PSEN1: variants seen among roughly 807,000 people sequenced by gnomAD.
PSEN1 encodes presenilin 1.
In PSEN1, 15 loss-of-function variants were observed where a neutral mutation model predicts 53.5. The observed-to-expected ratio is 0.28, with a 90% CI of 0.19 to 0.43. The LOEUF is 0.43. Among genes scored for constraint, PSEN1 ranks in the 20% least tolerant of loss-of-function variants. PSEN1 has a pLI of 1.00. For missense variants in PSEN1, 387 were observed against 571.2 expected, an observed-to-expected ratio of 0.68 and a Z score of 3.29; for synonymous variants, 208 against 209.8, an observed-to-expected ratio of 0.99 and a Z score of 0.08.
In PSEN1 at chr14:73,219,201, T is replaced by A; in HGVS notation, c.1316T>A (p.Ile439Asn). The stretch of plus-strand genomic sequence containing the variant: ...GCATTGCCAGCTCTTCCAATCTCCA[T>A]CACCTTTGGGCTTGTTTTCTACTTT... The part of the protein sequence containing the change: ...KKALPALPIS[I>N]TFGLVFYFAT... The change falls in exon 12 of 12, where the codon ATC becomes AAC. Residue 439 changes from isoleucine (I) to asparagine (N), a missense_variant. Physicochemically the swap from Ile to Asn is moderately radical, Grantham distance 149. Transcript: ENST00000324501. 6.2e-7 allele frequency: 1 copy of A among 1,613,812 alleles called. No homozygotes were observed. Among genetic ancestry groups the A allele is most frequent in the Non-Finnish European group, 8.5e-7 (1 of 1,179,654 alleles).
chr14:73,218,432 A>G (rs1432216159), intron 11 of PSEN1, among the ~76,000 whole-genome samples: 1 of 152,038 alleles, frequency 6.6e-6, no homozygotes, highest in Admixed American at 6.6e-5. Context: ...ATTTCTTGCT[A>G]TTTTTACTAA....
chr14:73,193,065 C>T (rs1898790730), intron 7 of PSEN1, among the ~76,000 whole-genome samples: 1 of 152,100 alleles, frequency 6.6e-6, no homozygotes, highest in Non-Finnish European at 1.5e-5. Flanking sequence ...AATCTTAGCA[C>T]TTTGGGAGGC....
At chr14:73,159,484 A>G (rs886963406) in intron 3 of PSEN1, among the ~76,000 whole-genome samples, 16 of 152,184 alleles carry the variant, frequency 1.1e-4, no homozygotes, top group Non-Finnish European at 2.4e-4. Context: ...TAGGTCTGTG[A>G]TCCTTTTGAA....
At chr14:73,171,143 A>G in intron 4 of PSEN1, 96 bp downstream of exon 4, 4 of 1,449,092 alleles carry the variant, frequency 2.8e-6, no homozygotes, top group South Asian at 2.4e-5. Flanking sequence ...TTGAAGGGGC[A>G]TGACTTAGCT....
rs141000002 is a variant in PSEN1, at chr14:73,208,051, A to G, written c.955+1579A>G. 6.0e-3 allele frequency among the ~76,000 whole-genome samples: 910 copies of G among 152,312 alleles called. 12 individuals are homozygous for G. The highest frequency in any genetic ancestry group is 0.021 in the African/African-American group (858 of 41,568). On this transcript the variant is annotated intron_variant, in intron 9 of 11. Transcript: ENST00000324501. ...TGTTAACCTTGTGTTAACCTGGGGAACACAGGGGCACCCAGAAGCTTGGAG... is the reference window on the plus strand; with the variant it reads ...TGTTAACCTTGTGTTAACCTGGGGAGCACAGGGGCACCCAGAAGCTTGGAG...
intron 9 of PSEN1, chr14:73,209,047 G>C: frequency 3.0e-6 from 1 of 329,938 alleles, no homozygotes; most frequent in Non-Finnish European, 6.0e-6. Flanking sequence ...GCCAGGTCAT[G>C]ACAGCACCCA....
chr14:73,190,604 A>C (rs1423710549), intron 6 of PSEN1, among the ~76,000 whole-genome samples: 1 of 151,974 alleles, frequency 6.6e-6, no homozygotes, highest in Admixed American at 6.6e-5. Flanking sequence ...AGTGCTTTCC[A>C]ATCAGGCACG....
In PSEN1 at chr14:73,189,828, C is replaced by G. The variant is rs1369838009; in HGVS notation, c.549-2816C>G. On this transcript the variant is annotated intron_variant, in intron 6 of 11. Transcript: ENST00000324501. ...TTAAGCTGAGCAGTGTGGAGAACAT[C>G]TTGCACAGGCTGCTGACTGCCTTCC... The G allele has an allele frequency of 6.8e-5, 17 of 250,654 alleles. No homozygotes were observed. The Admixed American group carries it at 7.7e-4, about 11-fold the overall frequency. The allele number at this position is 250,654 out of a possible 1,614,324, so 15.5% of individuals were successfully genotyped here.
At chr14:73,219,097 T>C in intron 11 of PSEN1, 37 bp from the exon 12 acceptor site, 3 of 1,607,064 alleles carry the variant, frequency 1.9e-6, no homozygotes, top group Non-Finnish European at 2.6e-6. Flanking sequence ...CTTTCATAAT[T>C]ATGTGTGAAT....
chr14:73,208,131 C>A (rs1299195941), intron 9 of PSEN1, among the ~76,000 whole-genome samples: 1 of 152,214 alleles, frequency 6.6e-6, no homozygotes, highest in Non-Finnish European at 1.5e-5. Flanking sequence ...GCTTAGGGAA[C>A]TCCTGAGTCT....
intron 11 of PSEN1, among the ~76,000 whole-genome samples, chr14:73,217,795 A>AT (rs746495189): frequency 0.15 from 19,234 of 126,254 alleles, 1,829 homozygotes; most frequent in South Asian, 0.23. Context: ...CAAAACTATG[A>AT]TTTTTTTTTT....
rs362382 is a variant in PSEN1 at position 73,217,252 on chromosome 14, T to C, written c.1248+8T>C. 2.9e-3 allele frequency: 4,668 copies of C among 1,613,986 alleles called. 121 individuals are homozygous for C. In the African/African-American group the frequency reaches 0.053, roughly 18 times the overall value. ...TTCGTAGCCATATTAATTGTAAGTA[T>C]ACACTAATAAGAATGTGTCAGAGCT... On this transcript the variant is annotated splice_region_variant and intron_variant, in intron 11 of 11. Transcript: ENST00000324501.
chr14:73,210,880 T>C (rs919103787), intron 9 of PSEN1, among the ~76,000 whole-genome samples: 1 of 152,188 alleles, frequency 6.6e-6, no homozygotes, highest in African/African-American at 2.4e-5. Flanking sequence ...CACTTATATA[T>C]TTTAATTATT....
chr14:73,162,821 G>A (rs561840061), intron 3 of PSEN1, among the ~76,000 whole-genome samples: 2 of 152,276 alleles, frequency 1.3e-5, no homozygotes, highest in African/African-American at 4.8e-5. Context: ...TGCATATGTA[G>A]AAAGAAACTT....
At chr14:73,143,230 T>G (rs545232576) in intron 1 of PSEN1, among the ~76,000 whole-genome samples, 2 of 152,338 alleles carry the variant, frequency 1.3e-5, no homozygotes, top group South Asian at 4.1e-4. Context: ...CAGGCCTGAC[T>G]GAAGACCTAG....
chr14:73,181,270 T>A (rs989517106), intron 5 of PSEN1, among the ~76,000 whole-genome samples: 7 of 152,060 alleles, frequency 4.6e-5, no homozygotes, highest in African/African-American at 1.7e-4. Context: ...AGAAATCCTG[T>A]CTCTACTAAA....
intron 1 of PSEN1, 138 bp from the exon 2 acceptor site, chr14:73,147,644 TGAGCTTATAGTAA>T (rs2140507374): frequency 6.1e-6 from 2 of 325,614 alleles, no homozygotes; most frequent in Non-Finnish European, 1.2e-5. Context: ...AGGTCTACCT[TGAGCTTATAGTAA>T]ATTTGTCAGT....
At chr14:73,160,057 C>G in intron 3 of PSEN1, 1 of 273,626 alleles carries the variant, frequency 3.7e-6, no homozygotes, top group South Asian at 3.0e-5. Context: ...CTCCTGGGCT[C>G]AAGTAATCCT....
chr14:73,143,217 C>A (rs1896975262), intron 1 of PSEN1, among the ~76,000 whole-genome samples: 1 of 152,146 alleles, frequency 6.6e-6, no homozygotes, highest in Non-Finnish European at 1.5e-5. Flanking sequence ...CTTGTTTGTT[C>A]ACCAGGCCTG....
Sources: allele counts gnomAD v4.1 joint callset (sites outside exome capture counted in the v4.1 genomes callset), GRCh38; gene constraint gnomAD v4.1.1; transcripts MANE v1.5; gene names NCBI Gene and HGNC (gene_info 2026-07-23, HGNC 2026-07-21).